The following PDE4D variants were observed in gnomAD, a reference collection of about 807,000 sequenced individuals.
PDE4D encodes the protein 3',5'-cyclic-AMP phosphodiesterase 4D.
In PDE4D, 24 loss-of-function variants were observed where a neutral mutation model predicts 87.4. That is an observed-to-expected ratio of 0.27 (90% confidence interval 0.20 to 0.39). The LOEUF (loss-of-function observed/expected upper bound fraction) is 0.39. Among genes scored for constraint, PDE4D ranks in the 10% least tolerant of loss-of-function variants. The pLI, the probability that PDE4D is intolerant of heterozygous loss-of-function variation, is 1.00. For missense variants in PDE4D, 714 were observed against 1,041.0 expected (o/e 0.69, Z 4.32); for synonymous variants, 384 against 383.2 (o/e 1.00, Z -0.02).
chr5:59,188,775 A>T (rs1374396290), intron 3 of PDE4D, among the ~76,000 whole-genome samples: 1 of 152,210 alleles, frequency 6.6e-6, no homozygotes, highest in African/African-American at 2.4e-5. Flanking sequence ...CATTTTTATG[A>T]AAAGAAAACC....
At chr5:59,091,753 GTTAAAC>G (rs1310013862) in intron 5 of PDE4D, among the ~76,000 whole-genome samples, 1 of 151,924 alleles carries the variant, frequency 6.6e-6, no homozygotes, top group Admixed American at 6.6e-5. Context: ...AGAACAATTT[GTTAAAC>G]TTAAAATTTA....
chr5:60,282,088 C>T (rs918711708), intron 1 of PDE4D, among the ~76,000 whole-genome samples: 3 of 151,644 alleles, frequency 2.0e-5, no homozygotes, highest in Admixed American at 1.3e-4. Context: ...AACAACATTA[C>T]TCAACATATA....
At chr5:59,900,786 G>A (rs1388793061) in intron 3 of PDE4D, among the ~76,000 whole-genome samples, 1 of 152,068 alleles carries the variant, frequency 6.6e-6, no homozygotes, top group Non-Finnish European at 1.5e-5. Flanking sequence ...TGTCACTCTT[G>A]ATCTCAAAAA....
At chr5:59,394,993 C>G (rs1409204735) in intron 1 of PDE4D, among the ~76,000 whole-genome samples, 1 of 152,122 alleles carries the variant, frequency 6.6e-6, no homozygotes, top group African/African-American at 2.4e-5. Context: ...AGAATCGGGT[C>G]ACTCCCACCC....
chr5:59,424,777 A>G (rs1270540013), intron 1 of PDE4D, among the ~76,000 whole-genome samples: 9 of 152,188 alleles, frequency 5.9e-5, no homozygotes. Flanking sequence ...AAACCATATC[A>G]TTTGCTATTA....
At chr5:60,251,834 A>G (rs1197999328) in intron 1 of PDE4D, among the ~76,000 whole-genome samples, 8 of 151,898 alleles carry the variant, frequency 5.3e-5, no homozygotes, top group Admixed American at 4.6e-4. Flanking sequence ...GTGTATAGTA[A>G]TGTTCTGGGC....
At chr5:60,110,477 G>A (rs1777562506) in intron 2 of PDE4D, among the ~76,000 whole-genome samples, 1 of 151,956 alleles carries the variant, frequency 6.6e-6, no homozygotes. Flanking sequence ...CAGTTAGAAT[G>A]GCCATTATGA....
intron 1 of PDE4D, among the ~76,000 whole-genome samples, chr5:59,707,371 G>C (rs1355715204): frequency 1.3e-5 from 2 of 152,254 alleles, no homozygotes; most frequent in African/African-American, 4.8e-5. Context: ...CCTTTATGGA[G>C]CTCTCAGTCT....
chr5:58,976,131 TGTTA>T (rs1223370018), intron 13 of PDE4D, among the ~76,000 whole-genome samples: 2 of 152,164 alleles, frequency 1.3e-5, no homozygotes, highest in Admixed American at 6.5e-5. Context: ...GGTGTTTGTT[TGTTA>T]GTTTTTTTAA....
intron 2 of PDE4D, among the ~76,000 whole-genome samples, chr5:60,086,893 G>A (rs946683487): frequency 6.6e-6 from 1 of 152,200 alleles, no homozygotes; most frequent in Non-Finnish European, 1.5e-5. Flanking sequence ...CCATGTTGAA[G>A]AGACTGGATG....
intron 1 of PDE4D, among the ~76,000 whole-genome samples, chr5:59,638,128 A>T (rs1740909710): frequency 6.6e-6 from 1 of 152,196 alleles, no homozygotes; most frequent in Admixed American, 6.5e-5. Flanking sequence ...AGGAAATGAC[A>T]AAGAAAGTAA....
intron 1 of PDE4D, among the ~76,000 whole-genome samples, chr5:60,332,965 G>A (rs1453066811): frequency 1.3e-5 from 2 of 152,116 alleles, no homozygotes; most frequent in Non-Finnish European, 1.5e-5. Context: ...ACATCCAAGG[G>A]GCATATGCAA....
chr5:59,440,094 G>A (rs954595709), intron 1 of PDE4D, among the ~76,000 whole-genome samples: 1 of 151,802 alleles, frequency 6.6e-6, no homozygotes, highest in South Asian at 2.1e-4. Context: ...TCATTTTTTC[G>A]GTCATGATTC....
intron 1 of PDE4D, among the ~76,000 whole-genome samples, chr5:59,791,682 A>G (rs916109374): frequency 3.9e-5 from 6 of 152,210 alleles, no homozygotes; most frequent in African/African-American, 1.4e-4. Flanking sequence ...AAGGGTTAAA[A>G]ATAAATACTG....
intron 5 of PDE4D, among the ~76,000 whole-genome samples, chr5:59,069,088 A>C (rs967399996): frequency 6.6e-6 from 1 of 152,222 alleles, no homozygotes; most frequent in African/African-American, 2.4e-5. Context: ...TGACAAACAG[A>C]TCAGTGCAGT....
intron 1 of PDE4D, among the ~76,000 whole-genome samples, chr5:59,254,168 A>G (rs909899514): frequency 6.6e-6 from 1 of 152,086 alleles, no homozygotes; most frequent in Non-Finnish European, 1.5e-5. Flanking sequence ...TCACCAACAC[A>G]TGATACTTGG....
intron 1 of PDE4D, among the ~76,000 whole-genome samples, chr5:59,856,099 T>C (rs1276412047): frequency 1.3e-5 from 2 of 152,190 alleles, no homozygotes; most frequent in African/African-American, 4.8e-5. Flanking sequence ...TATTTCCTAG[T>C]AATAGATAAG....
intron 1 of PDE4D, among the ~76,000 whole-genome samples, chr5:59,680,538 G>T (rs1266771627): frequency 6.6e-6 from 1 of 152,046 alleles, no homozygotes; most frequent in African/African-American, 2.4e-5. Flanking sequence ...CAAATTAACT[G>T]ATCCATATTT....
At chr5:59,667,241 G>A (rs1382670904) in intron 1 of PDE4D, among the ~76,000 whole-genome samples, 2 of 151,942 alleles carry the variant, frequency 1.3e-5, no homozygotes, top group Admixed American at 6.5e-5. Context: ...TTTTTTTTGG[G>A]GGGGAGGTTC....
Sources: allele counts gnomAD v4.1 joint callset (sites outside exome capture counted in the v4.1 genomes callset), GRCh38; gene constraint gnomAD v4.1.1; transcripts MANE v1.5; gene names NCBI Gene and HGNC (gene_info 2026-07-23, HGNC 2026-07-21).